Variants in CD2AP observed in about 807,000 individuals in gnomAD.
CD2AP encodes the protein CD2 associated protein.
In CD2AP, 46 loss-of-function variants were observed where a neutral mutation model predicts 85.1. The observed-to-expected ratio is 0.54, with a 90% confidence interval of 0.43 to 0.69. The LOEUF is 0.69. Among genes scored for constraint, CD2AP ranks in the 30% least tolerant of loss-of-function variants. The probability of loss-of-function intolerance (pLI) is 0.00; values close to 1 mark genes in which losing one functional copy is unlikely to be tolerated. For missense variants in CD2AP, 769 were observed against 729.5 expected (o/e 1.05, Z -0.62); for synonymous variants, 255 against 252.9 (o/e 1.01, Z -0.08).
chr6:47,610,064 A>G (rs1244807339), intron 16 of CD2AP, among the ~76,000 whole-genome samples: 4 of 152,112 alleles, frequency 2.6e-5, no homozygotes, highest in East Asian at 3.9e-4. Context: ...TTGATATGGT[A>G]TATGTTGAGA....
At chr6:47,616,250 C>A (rs987488488) in intron 17 of CD2AP, among the ~76,000 whole-genome samples, 2 of 151,774 alleles carry the variant, frequency 1.3e-5, no homozygotes, top group Non-Finnish European at 2.9e-5. Context: ...TGCCACCATA[C>A]CCAGCTAATT....
intron 12 of CD2AP, 105 bp from the exon 13 acceptor site, chr6:47,599,196 A>T: frequency 1.1e-6 from 1 of 895,536 alleles, no homozygotes; most frequent in Non-Finnish European, 1.8e-6. Flanking sequence ...CAGAACAGAA[A>T]GTAATCGGTA....
At chr6:47,622,699 C>T (rs1769788336) in intron 17 of CD2AP, among the ~76,000 whole-genome samples, 1 of 152,168 alleles carries the variant, frequency 6.6e-6, no homozygotes, top group African/African-American at 2.4e-5. Flanking sequence ...GGGTGTTTCC[C>T]AGGTCCTGCA....
At chr6:47,479,642 A>T (rs2113953450) in intron 1 of CD2AP, among the ~76,000 whole-genome samples, 1 of 152,316 alleles carries the variant, frequency 6.6e-6, no homozygotes, top group South Asian at 2.1e-4. Flanking sequence ...AATCACTTTA[A>T]CTGCTTTGGA....
intron 13 of CD2AP, among the ~76,000 whole-genome samples, chr6:47,602,321 C>T (rs1769163156): frequency 6.6e-6 from 1 of 151,766 alleles, no homozygotes; most frequent in Non-Finnish European, 1.5e-5. Flanking sequence ...AAGAACCATG[C>T]TTACAATTTT....
chr6:47,576,706 C>A, intron 7 of CD2AP, 104 bp downstream of exon 7: 1 of 882,990 alleles, frequency 1.1e-6, no homozygotes. Flanking sequence ...ATTAGAATAG[C>A]AAATTCTATT....
chr6:47,582,673 C>G (rs1392986690), intron 11 of CD2AP, among the ~76,000 whole-genome samples: 2 of 152,080 alleles, frequency 1.3e-5, no homozygotes, highest in African/African-American at 4.8e-5. Context: ...TAGTCTAATC[C>G]ATCCTTGTTT....
chr6:47,512,281 G>T (rs1427172691), intron 2 of CD2AP, among the ~76,000 whole-genome samples: 1 of 152,206 alleles, frequency 6.6e-6, no homozygotes, highest in African/African-American at 2.4e-5. Context: ...GGCGGAGGTT[G>T]CAGTGAGCCG....
intron 5 of CD2AP, among the ~76,000 whole-genome samples, chr6:47,570,540 CTTT>C (rs61076747): frequency 6.6e-6 from 1 of 152,040 alleles, no homozygotes; most frequent in Non-Finnish European, 1.5e-5. Flanking sequence ...TCCTTATCCT[CTTT>C]TCTTCTTTCC....
chr6:47,569,926 G>A (rs935508086), intron 5 of CD2AP, among the ~76,000 whole-genome samples: 1 of 152,120 alleles, frequency 6.6e-6, no homozygotes, highest in African/African-American at 2.4e-5. Context: ...GTAGTACGTT[G>A]TGGATCTTTC....
At chr6:47,572,157 C>T (rs1768174212) in intron 5 of CD2AP, among the ~76,000 whole-genome samples, 1 of 152,176 alleles carries the variant, frequency 6.6e-6, no homozygotes, top group African/African-American at 2.4e-5. Context: ...CTGGAAATAA[C>T]TGTTGTAAAG....
chr6:47,624,216 CTGTCT>C lies in CD2AP; in HGVS notation c.1911_1915del (p.Ser638LeufsTer23). 6.2e-7 allele frequency: 1 copy of C among 1,612,152 alleles called. No homozygotes were observed. The highest frequency in any genetic ancestry group is 8.5e-7 in the Non-Finnish European group (1 of 1,178,488). On this transcript the variant is annotated frameshift_variant, in exon 18 of 18. Transcript: ENST00000359314. LOFTEE classifies it high-confidence loss of function. Reference sequence around the variant, plus strand: ...AATAGAGAAGCTGAAAAAAGCTGTCCTGTCTTCTTGAGTGGTGTGGACCTGGTGTT... The same window carrying C: ...AATAGAGAAGCTGAAAAAAGCTGTCCTCTTGAGTGGTGTGGACCTGGTGTT...
chr6:47,577,230 T>C (rs1208516307), intron 8 of CD2AP, 127 bp downstream of exon 8: 17 of 635,576 alleles, frequency 2.7e-5, no homozygotes, highest in Non-Finnish European at 4.0e-5. Flanking sequence ...GACTTTGTCT[T>C]GTTTCTAAGT....
rs1482892131 is a variant in CD2AP, at chr6:47,607,916, A to T, written c.1531-11A>T. On this transcript the variant is annotated splice_polypyrimidine_tract_variant and intron_variant, in intron 14 of 17. Transcript: ENST00000359314. Reference sequence around the variant, plus strand: ...TCTATTATGTCTCTTGACTTCTAAAAAATCATTTAGCCAACTCACAGCCCC... The same window carrying T: ...TCTATTATGTCTCTTGACTTCTAAATAATCATTTAGCCAACTCACAGCCCC... The T allele has an allele frequency of 3.8e-6, 6 of 1,598,202 alleles. No homozygotes were observed. Among genetic ancestry groups the T allele is most frequent in the Admixed American group, 1.7e-5 (1 of 59,726 alleles).
At chr6:47,565,406 A>T (rs1461759956) in intron 5 of CD2AP, among the ~76,000 whole-genome samples, 1 of 152,142 alleles carries the variant, frequency 6.6e-6, no homozygotes, top group Non-Finnish European at 1.5e-5. Flanking sequence ...CTTATTTGCT[A>T]AATAGGAATG....
intron 2 of CD2AP, among the ~76,000 whole-genome samples, chr6:47,510,706 T>A (rs1451513478): frequency 6.6e-6 from 1 of 152,058 alleles, no homozygotes; most frequent in East Asian, 1.9e-4. Flanking sequence ...AAGTGATAAT[T>A]CTAAATACTT....
At chr6:47,601,604 T>A (rs973088814) in intron 13 of CD2AP, among the ~76,000 whole-genome samples, 1 of 152,014 alleles carries the variant, frequency 6.6e-6, no homozygotes, top group Non-Finnish European at 1.5e-5. Context: ...AAGCATTAAT[T>A]CAGAGATTCC....
chr6:47,580,529 A>G (rs991617460), intron 9 of CD2AP, among the ~76,000 whole-genome samples: 4 of 152,124 alleles, frequency 2.6e-5, no homozygotes, highest in Non-Finnish European at 4.4e-5. Flanking sequence ...CCCAGCTGCA[A>G]AAGAGGGGTA....
chr6:47,557,675 A>G (rs1767733681), intron 5 of CD2AP, among the ~76,000 whole-genome samples: 2 of 152,030 alleles, frequency 1.3e-5, no homozygotes, highest in South Asian at 4.1e-4. Flanking sequence ...GTTCTGTTCC[A>G]TTGGTCTATA....
Sources: allele counts gnomAD v4.1 joint callset (sites outside exome capture counted in the v4.1 genomes callset), GRCh38; gene constraint gnomAD v4.1.1; transcripts MANE v1.5; gene names NCBI Gene and HGNC (gene_info 2026-07-23, HGNC 2026-07-21).